MYOF: variants seen among roughly 807,000 people sequenced by gnomAD.
MYOF encodes the protein fer-1-like 3, myoferlin.
Under a neutral mutation model 284.2 loss-of-function variants are expected in MYOF, and 244 were observed. The observed-to-expected ratio is 0.86, with a 90% CI of 0.77 to 0.95. The LOEUF (loss-of-function observed/expected upper bound fraction) is 0.95. MYOF is among the 40% of genes least tolerant of loss of function. The probability of loss-of-function intolerance (pLI) is 0.00; values close to 1 mark genes in which losing one functional copy is unlikely to be tolerated. For synonymous variants in MYOF, 904 were observed against 919.7 expected (o/e 0.98, Z 0.31); for missense variants, 2,496 against 2,560.6 (o/e 0.97, Z 0.54).
Position 93,404,182 on chromosome 10 carries a change from A to C in MYOF, c.767T>G (p.Leu256Trp). Residue 256 changes from leucine to tryptophan, a missense_variant, in exon 8 of 54, where the codon TTG becomes TGG. Physicochemically the swap from Leu to Trp is moderately conservative, Grantham distance 61. Around this residue, in one of 3 missense-constraint regions of MYOF, gnomAD observed 2,436 missense variants for 2,480.7 expected, o/e 0.98. Coordinates refer to ENST00000359263, the MANE Select transcript of MYOF (RefSeq NM_013451.4). ...FYNVNMTPSELMDEIISIRVY... is the reference protein window; with the variant it reads ...FYNVNMTPSEWMDEIISIRVY... The stretch of plus-strand genomic sequence containing the variant: ...CCGGATGCTGATGATCTCATCCATC[A>C]ATTCAGAAGGGGTCATGTTGACATT... 6.2e-7 allele frequency: 1 copy of C among 1,614,216 alleles called. No individual in the cohort carries two copies. The highest frequency in any genetic ancestry group is 1.1e-5 in the South Asian group (1 of 91,082).
intron 48 of MYOF, among the ~76,000 whole-genome samples, chr10:93,321,832 C>T (rs1463559378): frequency 1.3e-5 from 2 of 151,770 alleles, no homozygotes; most frequent in African/African-American, 2.4e-5. Flanking sequence ...TAATATAATA[C>T]CCAGCTGTGT....
intron 19 of MYOF, among the ~76,000 whole-genome samples, chr10:93,387,570 C>T (rs1846444054): frequency 6.6e-6 from 1 of 152,154 alleles, no homozygotes; most frequent in Non-Finnish European, 1.5e-5. Context: ...ACCCCCAACG[C>T]CAGTTAGCAA....
At position 93,351,741 on chromosome 10, in the gene MYOF, T is replaced by C; in HGVS notation, c.3587A>G (p.Glu1196Gly). The C allele has an allele frequency of 6.3e-7, 1 of 1,599,896 alleles. No homozygotes were observed. Among genetic ancestry groups the C allele is most frequent in the African/African-American group, 1.4e-5 (1 of 73,844 alleles). Reference protein sequence around the residue: ...WDQTIIFDEVEIYGEPQTVLQ... With the variant: ...WDQTIIFDEVGIYGEPQTVLQ... ...AACTGTTTGGGGTTCCCCATAGATT[T>C]CAACTTCATCGAATATAATTGTTTG... is the stretch of plus-strand genomic sequence containing the variant. Residue 1196 changes from glutamate (E) to glycine (G), a missense_variant, in exon 33 of 54, where the codon GAA becomes GGA. Glu to Gly is a moderately conservative substitution (Grantham distance 98). Around this residue, in one of 3 missense-constraint regions of MYOF, gnomAD observed 2,436 missense variants for 2,480.7 expected, o/e 0.98. Coordinates refer to ENST00000359263, the MANE Select transcript of MYOF (RefSeq NM_013451.4).
chr10:93,437,430 A>T (rs1027057188), intron 3 of MYOF, among the ~76,000 whole-genome samples: 2 of 152,176 alleles, frequency 1.3e-5, no homozygotes, highest in African/African-American at 4.8e-5. Flanking sequence ...GAGCTCACGT[A>T]TACGAAGTTG....
At chr10:93,412,470 C>T (rs1389366198) in intron 5 of MYOF, among the ~76,000 whole-genome samples, 1 of 152,120 alleles carries the variant, frequency 6.6e-6, no homozygotes, top group African/African-American at 2.4e-5. Flanking sequence ...CAGGTAAGTT[C>T]CTCTCCTTCT....
chr10:93,413,019 C>A (rs58479214), intron 5 of MYOF, among the ~76,000 whole-genome samples: 5,535 of 152,194 alleles, frequency 0.036, 320 homozygotes, highest in African/African-American at 0.12. Flanking sequence ...AGTGGTACTT[C>A]CTCCTTGCCA....
intron 46 of MYOF, 21 bp downstream of exon 46, chr10:93,325,805 A>C: frequency 6.2e-7 from 1 of 1,603,240 alleles, no homozygotes; most frequent in Admixed American, 1.8e-5. Context: ...AATGGTCTTC[A>C]AGGGAGGGAA....
At chr10:93,345,622 G>A (rs1844153866) in intron 37 of MYOF, among the ~76,000 whole-genome samples, 1 of 152,138 alleles carries the variant, frequency 6.6e-6, no homozygotes, top group Non-Finnish European at 1.5e-5. Context: ...ACAACCAGAG[G>A]GCAGGGTCAC....
intron 35 of MYOF, among the ~76,000 whole-genome samples, chr10:93,350,524 G>T (rs1024274651): frequency 6.6e-6 from 1 of 152,130 alleles, no homozygotes; most frequent in South Asian, 2.1e-4. Flanking sequence ...TGTTGACCGG[G>T]TTGGCCTCGA....
intron 7 of MYOF, 41 bp from the exon 8 acceptor site, chr10:93,404,260 G>T: frequency 1.9e-6 from 3 of 1,602,322 alleles, no homozygotes; most frequent in South Asian, 2.2e-5. Flanking sequence ...GTTAACAGGG[G>T]ATTCGGGTTA....
rs772989154 is a variant in MYOF, at chr10:93,369,713, C to A, written c.2521G>T (p.Gly841Cys). 6 of 1,614,190 alleles carry A rather than the reference C, an allele frequency of 3.7e-6. No homozygotes were observed. The East Asian group carries it at 1.3e-4, about 36-fold the overall frequency. The change falls in exon 25 of 54, where the codon GGC becomes TGC. Residue 841 changes from glycine (G) to cysteine (C), a missense_variant. By Grantham distance (159) the Gly-to-Cys change is radical (BLOSUM62 -3). Around this residue, in one of 3 missense-constraint regions of MYOF, gnomAD observed 2,436 missense variants for 2,480.7 expected, o/e 0.98. Coordinates refer to ENST00000359263, the MANE Select transcript of MYOF (RefSeq NM_013451.4). ...AACTTCTTCTCCACAGCACTTAAGC[C>A]TAGCCAGATGTTCACTCGCAACTCC... Reference protein sequence around the residue: ...PVELRVNIWLGLSAVEKKFNS... With the variant: ...PVELRVNIWLCLSAVEKKFNS...
Position 93,426,125 on chromosome 10 carries a change from G to C in MYOF, c.379C>G (p.Pro127Ala). ...AGGTCATTTGGATGTGGAGCAGAAG[G>C]CGGATCATAGCCGATCACCAAGTCA... is the stretch of plus-strand genomic sequence containing the variant. Reference protein sequence around the residue: ...TIDLVIGYDPPSAPHPNDLSG... With the variant: ...TIDLVIGYDPASAPHPNDLSG... Residue 127 changes from proline (P) to alanine (A), a missense_variant, in exon 5 of 54, where the codon CCT (proline) becomes GCT (alanine). This residue lies in a region of MYOF where 2,436 missense variants were observed against 2,480.7 expected (regional missense o/e 0.98). Transcript: ENST00000359263. 1 of 1,560,918 alleles carries C rather than the reference G, an allele frequency of 6.4e-7. No individual in the cohort carries two copies. Among genetic ancestry groups the C allele is most frequent in the Non-Finnish European group, 8.7e-7 (1 of 1,151,558 alleles).
intron 43 of MYOF, among the ~76,000 whole-genome samples, chr10:93,330,364 G>GC: frequency 6.6e-6 from 1 of 152,160 alleles, no homozygotes; most frequent in South Asian, 2.1e-4. Context: ...CTGACTTATA[G>GC]CCCCCTACCT....
chr10:93,398,298 A>G (rs1589503698), intron 13 of MYOF, among the ~76,000 whole-genome samples: 1 of 151,906 alleles, frequency 6.6e-6, no homozygotes, highest in Non-Finnish European at 1.5e-5. Flanking sequence ...CTCAACTGTC[A>G]CTTTCTCCAG....
rs1844096660 is a variant in MYOF at position 93,344,709 on chromosome 10, T to G, written c.4250-777A>C. ...AACAAACCTGCACGTTCTGCACATG[T>G]ATCCCAGAACTTAAATTAAAAAAAA... On this transcript the variant is annotated intron_variant, in intron 37 of 53. Transcript: ENST00000359263. Among the ~76,000 whole-genome samples, 3 of 124,952 alleles carry G rather than the reference T, an allele frequency of 2.4e-5. No individual in the cohort carries two copies. The Admixed American group carries it at 3.0e-4, about 13-fold the overall frequency. 82.0% of individuals were successfully genotyped at this position (124,952 alleles called of 152,430 possible).
At chr10:93,332,804 G>A (rs559893202) in intron 43 of MYOF, among the ~76,000 whole-genome samples, 123 of 152,120 alleles carry the variant, frequency 8.1e-4, no homozygotes, top group African/African-American at 2.5e-3. Flanking sequence ...CCGAGATCAC[G>A]CCACTGCACT....
At chr10:93,451,897 T>C (rs1187857002) in intron 3 of MYOF, among the ~76,000 whole-genome samples, 153 bp downstream of exon 3, 2 of 152,234 alleles carry the variant, frequency 1.3e-5, no homozygotes, top group African/African-American at 2.4e-5. Flanking sequence ...TAGCCACATC[T>C]GCTATTGGCT....
Position 93,313,105 on chromosome 10 carries a change from G to C in MYOF, c.5804C>G (p.Ala1935Gly), listed in dbSNP as rs750870337. Residue 1935 changes from alanine (A) to glycine (G), a missense_variant, in exon 51 of 54, where the codon GCC (alanine) becomes GGC (glycine). Physicochemically the swap from Ala to Gly is moderately conservative, Grantham distance 60 (BLOSUM62 0). Transcript: ENST00000359263. Reference protein sequence around the residue: ...PDLKAMNPLKAKTASLFEQKS... With the variant: ...PDLKAMNPLKGKTASLFEQKS... ...CTGCTCAAAGAGGGAGGCTGTCTTG[G>C]CTTTAAGGGGGTTCATGGCTTTGAG... 19 of 1,613,998 alleles carry C rather than the reference G, an allele frequency of 1.2e-5. No individual in the cohort carries two copies. In the African/African-American group the frequency reaches 2.3e-4, roughly 19 times the overall value.
chr10:93,323,160 C>T lies in MYOF; in HGVS notation c.5374G>A (p.Val1792Met). 1 of 1,614,176 alleles carries T rather than the reference C, an allele frequency of 6.2e-7. No homozygotes were observed. The highest frequency in any genetic ancestry group is 8.5e-7 in the Non-Finnish European group (1 of 1,179,980). Residue 1792 changes from valine to methionine, a missense_variant, in exon 48 of 54, where the codon GTG becomes ATG. Physicochemically the swap from Val to Met is conservative, Grantham distance 21. Transcript: ENST00000359263. ...ACGTCCTTGGTGTTCCAGATGATCA[C>T]ACGCAGGTAGTATCTGCAAGAAGCA... ...PRKAKKYYLR[V>M]IIWNTKDVIL...
Sources: allele counts gnomAD v4.1 joint callset (sites outside exome capture counted in the v4.1 genomes callset), GRCh38; gene constraint gnomAD v4.1.1; regional missense constraint gnomAD v4.1.1; transcripts MANE v1.5; gene names NCBI Gene and HGNC (gene_info 2026-07-23, HGNC 2026-07-21).